Variants in MAGI2 observed in about 807,000 individuals in gnomAD.
The protein encoded by MAGI2 is membrane-associated guanylate kinase, WW and PDZ domain-containing protein 2.
MAGI2 carries 35 observed loss-of-function variants against 133.3 expected under a neutral mutation model. That is an observed-to-expected ratio of 0.26 (90% CI 0.20 to 0.35). The LOEUF (loss-of-function observed/expected upper bound fraction) is 0.35. MAGI2 is among the 10% of genes least tolerant of loss of function. MAGI2 has a pLI of 1.00. For synonymous variants in MAGI2, 729 were observed against 710.6 expected (o/e 1.03, Z -0.41); for missense variants, 1,636 against 1,863.4 (o/e 0.88, Z 2.25).
At chr7:78,200,938 T>C (rs1449894894) in intron 11 of MAGI2, among the ~76,000 whole-genome samples, 4 of 152,172 alleles carry the variant, frequency 2.6e-5, no homozygotes, top group African/African-American at 9.7e-5. Flanking sequence ...TTTGTAAGTA[T>C]ATATTTTTTA....
intron 1 of MAGI2, among the ~76,000 whole-genome samples, chr7:79,383,361 CT>C (rs994522522): frequency 1.3e-5 from 2 of 151,346 alleles, no homozygotes; most frequent in Non-Finnish European, 3.0e-5. Context: ...ATAGACATGG[CT>C]AGTAAAAACA....
intron 2 of MAGI2, among the ~76,000 whole-genome samples, chr7:78,930,839 C>G (rs1800056138): frequency 1.3e-5 from 2 of 152,092 alleles, no homozygotes; most frequent in Admixed American, 6.6e-5. Context: ...CTATTCTCCT[C>G]ACTTAAGTAC....
chr7:78,385,330 G>T (rs1338350297), intron 6 of MAGI2, among the ~76,000 whole-genome samples: 1 of 152,176 alleles, frequency 6.6e-6, no homozygotes, highest in Non-Finnish European at 1.5e-5. Context: ...TGACCAACCT[G>T]ACAGTGCCCA....
intron 2 of MAGI2, among the ~76,000 whole-genome samples, chr7:78,796,704 A>C (rs1787647627): frequency 6.6e-6 from 1 of 152,188 alleles, no homozygotes; most frequent in Non-Finnish European, 1.5e-5. Flanking sequence ...AGCACTGTTC[A>C]CAATAGCCAA....
chr7:78,921,446 C>T (rs1799215474), intron 2 of MAGI2, among the ~76,000 whole-genome samples: 2 of 152,146 alleles, frequency 1.3e-5, no homozygotes, highest in Admixed American at 1.3e-4. Context: ...ACAGAGTCTG[C>T]ACTTTAAATA....
At chr7:79,347,740 A>G (rs761792948) in intron 1 of MAGI2, among the ~76,000 whole-genome samples, 1 of 151,958 alleles carries the variant, frequency 6.6e-6, no homozygotes, top group Non-Finnish European at 1.5e-5. Flanking sequence ...CTTCAGCTGA[A>G]AAGTCCAAGA....
At chr7:78,284,744 C>A (rs1795975192) in intron 9 of MAGI2, among the ~76,000 whole-genome samples, 1 of 152,016 alleles carries the variant, frequency 6.6e-6, no homozygotes, top group Non-Finnish European at 1.5e-5. Flanking sequence ...TGCCTGTCAT[C>A]AAAATGGGAG....
intron 6 of MAGI2, among the ~76,000 whole-genome samples, chr7:78,448,725 T>C (rs946541415): frequency 6.6e-6 from 1 of 152,222 alleles, no homozygotes. Flanking sequence ...TTTAAATATG[T>C]ATATTTGTAT....
intron 1 of MAGI2, among the ~76,000 whole-genome samples, chr7:79,020,455 C>T (rs1346326913): frequency 6.6e-6 from 1 of 152,128 alleles, no homozygotes; most frequent in Non-Finnish European, 1.5e-5. Flanking sequence ...TTCAAGCCTG[C>T]TGCAGAAATT....
chr7:78,311,599 A>T (rs1798709621), intron 9 of MAGI2, among the ~76,000 whole-genome samples: 1 of 152,230 alleles, frequency 6.6e-6, no homozygotes, highest in South Asian at 2.1e-4. Flanking sequence ...TTTTAAAATT[A>T]GAATGTCATC....
chr7:78,085,938 A>G (rs11977580), intron 20 of MAGI2, among the ~76,000 whole-genome samples: 16,430 of 152,198 alleles, frequency 0.11, 1,037 homozygotes, highest in African/African-American at 0.16. Flanking sequence ...CTGGACATTC[A>G]TAACGGGGAG....
At chr7:78,620,169 G>T (rs1807577037) in intron 3 of MAGI2, among the ~76,000 whole-genome samples, 2 of 151,824 alleles carry the variant, frequency 1.3e-5, no homozygotes, top group African/African-American at 4.8e-5. Flanking sequence ...TGCCTTTCAA[G>T]AAATATTATT....
Position 78,102,317 on chromosome 7 carries a change from T to A in MAGI2, c.3568-23232A>T, listed in dbSNP as rs567572180. ...TATGGTTAATACTGTATTACATACT[T>A]GAAATTTGCTAAGAGAGTAGATCTT... On this transcript the variant is annotated intron_variant, in intron 20 of 21. Transcript: ENST00000354212. 3.9e-5 allele frequency among the ~76,000 whole-genome samples: 6 copies of A among 152,304 alleles called. No homozygotes were observed. The East Asian group carries it at 1.2e-3, about 29-fold the overall frequency.
intron 3 of MAGI2, among the ~76,000 whole-genome samples, chr7:78,567,483 T>A (rs1001339906): frequency 4.6e-5 from 7 of 152,124 alleles, no homozygotes; most frequent in African/African-American, 1.4e-4. Flanking sequence ...ATTTCTGGCT[T>A]AATTGGTAGC....
At chr7:79,069,442 T>A (rs1404306793) in intron 1 of MAGI2, among the ~76,000 whole-genome samples, 1 of 152,206 alleles carries the variant, frequency 6.6e-6, no homozygotes. Flanking sequence ...TTGCTTTCCA[T>A]TTGCTTGGTA....
intron 2 of MAGI2, among the ~76,000 whole-genome samples, chr7:78,774,568 C>G (rs769463562): frequency 1.8e-4 from 27 of 152,284 alleles, no homozygotes; most frequent in Non-Finnish European, 2.9e-4. Flanking sequence ...CTTGTCAGTT[C>G]TCATGTCAGC....
chr7:78,476,727 T>C (rs1414518015), intron 6 of MAGI2, among the ~76,000 whole-genome samples: 1 of 151,952 alleles, frequency 6.6e-6, no homozygotes, highest in East Asian at 1.9e-4. Context: ...GGAAAGATAA[T>C]TCCTGGTAGA....
At chr7:78,931,270 T>A (rs971196182) in intron 2 of MAGI2, among the ~76,000 whole-genome samples, 2 of 152,106 alleles carry the variant, frequency 1.3e-5, no homozygotes, top group Non-Finnish European at 2.9e-5. Context: ...TGATTTTTTT[T>A]TAAAAGGGAT....
chr7:79,215,846 T>A (rs1340449114), intron 1 of MAGI2, among the ~76,000 whole-genome samples: 1 of 151,884 alleles, frequency 6.6e-6, no homozygotes, highest in Non-Finnish European at 1.5e-5. Context: ...CAAAATAAAC[T>A]TCTAAATTGA....
Sources: gnomAD v4.1 joint callset for allele counts (sites outside exome capture counted in the v4.1 genomes callset) on GRCh38, gnomAD v4.1.1 for gene constraint, MANE v1.5 for transcripts, NCBI Gene and HGNC (gene_info 2026-07-23, HGNC 2026-07-21) for gene names.